The following ZC3H12B variants were observed in gnomAD, a reference collection of about 807,000 sequenced individuals.
The protein encoded by ZC3H12B is zinc finger CCCH-type containing 12B, also known as probable ribonuclease ZC3H12B.
A neutral mutation model predicts 43.9 loss-of-function variants in ZC3H12B; 7 were observed. The observed-to-expected ratio is 0.16, with a 90% CI of 0.09 to 0.30. The LOEUF (loss-of-function observed/expected upper bound fraction) is 0.30, where lower values mean the gene tolerates loss of function less well. Ranked by LOEUF, ZC3H12B falls within the 10% of genes least tolerant of loss-of-function variation. The pLI is 1.00. For missense variants in ZC3H12B, 475 were observed against 670.2 expected (o/e 0.71, Z 3.22); for synonymous variants, 222 against 241.7 (o/e 0.92, Z 0.76).
At chrX:65,315,124 C>A in the ZC3H12B span, among the ~76,000 whole-genome samples, 1 of 110,947 alleles carries the variant, frequency 9.0e-6, no homozygotes, top group Non-Finnish European at 1.9e-5. Flanking sequence ...TAAATGGCAG[C>A]TCTAAATTCA....
intron 2 of ZC3H12B, among the ~76,000 whole-genome samples, chrX:65,379,501 T>C (rs1198302480): frequency 9.0e-6 from 1 of 110,985 alleles, no homozygotes; most frequent in Non-Finnish European, 1.9e-5. Context: ...ACCACAAAGA[T>C]AGGGAAAAAA....
intron 1 of ZC3H12B, 134 bp downstream of exon 6, chrX:65,489,543 C>T: frequency 1.2e-6 from 1 of 804,945 alleles, no homozygotes; most frequent in Non-Finnish European, 1.7e-6. Context: ...TGGCCAGAGA[C>T]TAAAATGATC....
the ZC3H12B span, among the ~76,000 whole-genome samples, chrX:65,255,298 C>G: frequency 2.7e-5 from 3 of 111,539 alleles, no homozygotes; most frequent in Non-Finnish European, 5.6e-5. Context: ...GTTAAGTCAG[C>G]TAGAGAGAAG....
the ZC3H12B span, among the ~76,000 whole-genome samples, chrX:65,083,127 C>G: frequency 9.0e-6 from 1 of 111,044 alleles, no homozygotes; most frequent in Non-Finnish European, 1.9e-5. Flanking sequence ...TAATAAAAGC[C>G]ATATATGACA....
the ZC3H12B span, among the ~76,000 whole-genome samples, chrX:65,037,953 A>G: frequency 1.8e-5 from 2 of 111,086 alleles, no homozygotes; most frequent in Non-Finnish European, 3.8e-5. Flanking sequence ...GACAACATCA[A>G]TGTTTAAACT....
the ZC3H12B span, among the ~76,000 whole-genome samples, chrX:65,184,272 C>T: frequency 9.0e-6 from 1 of 111,117 alleles, no homozygotes. Flanking sequence ...CCCCCTTTCC[C>T]CTTTTGACAG....
chrX:65,053,310 A>C, the ZC3H12B span, among the ~76,000 whole-genome samples: 1 of 109,036 alleles, frequency 9.2e-6, no homozygotes, highest in African/African-American at 3.4e-5. Flanking sequence ...TCCCATGTCC[A>C]TGTGTTCTCA....
chrX:65,161,461 A>G, the ZC3H12B span, among the ~76,000 whole-genome samples: 10 of 111,895 alleles, frequency 8.9e-5, no homozygotes, highest in African/African-American at 2.3e-4. Context: ...TTGGGTGCAT[A>G]TATATTAATG....
At chrX:65,351,057 A>C in the ZC3H12B span, among the ~76,000 whole-genome samples, 1 of 112,003 alleles carries the variant, frequency 8.9e-6, no homozygotes, top group Non-Finnish European at 1.9e-5. Context: ...GCATCATGCT[A>C]CCTGACTTCA....
the ZC3H12B span, among the ~76,000 whole-genome samples, chrX:65,098,678 A>G: frequency 9.0e-6 from 1 of 110,721 alleles, no homozygotes; most frequent in East Asian, 2.9e-4. Flanking sequence ...AAGGGAAGCC[A>G]TGAGGGACTG....
chrX:65,149,585 A>T, the ZC3H12B span, among the ~76,000 whole-genome samples: 1 of 108,571 alleles, frequency 9.2e-6, no homozygotes, highest in African/African-American at 3.4e-5. Context: ...ACACAGTGAA[A>T]CCTCGTCTCT....
chrX:65,313,655 C>T, the ZC3H12B span, among the ~76,000 whole-genome samples: 3 of 112,294 alleles, frequency 2.7e-5, no homozygotes, highest in Admixed American at 2.8e-4. Context: ...ATTTGTGATC[C>T]AAATATAACC....
At chrX:65,044,092 A>G in the ZC3H12B span, among the ~76,000 whole-genome samples, 1 of 111,852 alleles carries the variant, frequency 8.9e-6, no homozygotes, top group East Asian at 2.8e-4. Context: ...CCATCAGATA[A>G]TGATAAGAGC....
chrX:65,120,112 A>T, the ZC3H12B span, among the ~76,000 whole-genome samples: 2 of 111,877 alleles, frequency 1.8e-5, no homozygotes, highest in South Asian at 3.7e-4. Context: ...TTGACTTAGG[A>T]TTAACTTGGC....
chrX:65,182,456 G>A, the ZC3H12B span, among the ~76,000 whole-genome samples: 1 of 110,702 alleles, frequency 9.0e-6, no homozygotes, highest in Admixed American at 9.7e-5. Flanking sequence ...ATAAAATGGC[G>A]GTGCTTGTCC....
the ZC3H12B span, among the ~76,000 whole-genome samples, chrX:65,086,623 G>T: frequency 8.9e-6 from 1 of 111,858 alleles, no homozygotes; most frequent in Non-Finnish European, 1.9e-5. Context: ...TAAAAGATCC[G>T]AGATAACTTC....
intron 2 of ZC3H12B, among the ~76,000 whole-genome samples, chrX:65,498,250 A>C (rs1367646843): frequency 8.9e-6 from 1 of 111,755 alleles, no homozygotes; most frequent in Non-Finnish European, 1.9e-5. Context: ...GAAAGCAAAA[A>C]TGCCTAAGGT....
the ZC3H12B span, among the ~76,000 whole-genome samples, chrX:65,313,802 C>T: frequency 9.0e-6 from 1 of 111,641 alleles, no homozygotes; most frequent in Non-Finnish European, 1.9e-5. Flanking sequence ...TAAAATTTGA[C>T]AGATTCTCAA....
At chrX:65,132,792 G>T in the ZC3H12B span, among the ~76,000 whole-genome samples, 1 of 111,198 alleles carries the variant, frequency 9.0e-6, no homozygotes, top group African/African-American at 3.3e-5. Context: ...GGAGTGGATA[G>T]CCTCCGTAGT....
Sources: allele counts gnomAD v4.1 joint callset (sites outside exome capture counted in the v4.1 genomes callset), GRCh38; gene constraint gnomAD v4.1.1; transcripts MANE v1.5; gene names NCBI Gene and HGNC (gene_info 2026-07-23, HGNC 2026-07-21).